Variants in FAM13A observed in about 807,000 individuals in gnomAD.
FAM13A encodes the protein protein FAM13A.
In FAM13A, 76 loss-of-function variants were observed where a neutral mutation model predicts 129.6. The ratio of observed to expected loss-of-function variants is 0.59; its 90% confidence interval spans 0.49 to 0.71. The LOEUF (loss-of-function observed/expected upper bound fraction) is 0.71, where lower values mean the gene tolerates loss of function less well. Among genes scored for constraint, FAM13A ranks in the 30% least tolerant of loss-of-function variants. The probability of loss-of-function intolerance (pLI) is 0.00; values close to 1 mark genes in which losing one functional copy is unlikely to be tolerated. For missense variants in FAM13A, 1,108 were observed against 1,249.3 expected, an observed-to-expected ratio of 0.89 and a Z score of 1.70; for synonymous variants, 443 against 449.9, an observed-to-expected ratio of 0.98 and a Z score of 0.20.
chr4:89,052,908 C>T (rs991003246), intron 1 of FAM13A, among the ~76,000 whole-genome samples: 3 of 152,132 alleles, frequency 2.0e-5, no homozygotes, highest in African/African-American at 7.2e-5. Flanking sequence ...ACTGCTTAAA[C>T]TATAATCTCA....
chr4:88,979,241 T>C (rs1761322997), intron 4 of FAM13A, among the ~76,000 whole-genome samples: 1 of 152,226 alleles, frequency 6.6e-6, no homozygotes, highest in African/African-American at 2.4e-5. Context: ...CATTCACGTA[T>C]TGCTGCTCAC....
Position 88,728,450 on chromosome 4 carries a change from A to T in FAM13A, c.*83T>A. ...TGCATGCTTTGCAGGGCCAGCCCCA[A>T]GGCTGCCTTCCAGAGCTGCACTTTC... On this transcript the variant is annotated 3_prime_UTR_variant, in exon 24 of 24. Coordinates refer to ENST00000264344, the MANE Select transcript of FAM13A (RefSeq NM_014883.4). 1 of 1,572,132 alleles carries T rather than the reference A, an allele frequency of 6.4e-7. No homozygotes were observed. The highest frequency in any genetic ancestry group is 8.7e-7 in the Non-Finnish European group (1 of 1,147,396).
At chr4:88,982,694 G>A (rs532734345) in intron 4 of FAM13A, among the ~76,000 whole-genome samples, 3 of 152,268 alleles carry the variant, frequency 2.0e-5, no homozygotes, top group African/African-American at 7.2e-5. Flanking sequence ...GAATGATAAA[G>A]TATTCAGAGG....
intron 3 of FAM13A, among the ~76,000 whole-genome samples, chr4:89,001,009 A>G (rs1764183596): frequency 6.6e-6 from 1 of 152,280 alleles, no homozygotes; most frequent in South Asian, 2.1e-4. Context: ...TAATTTGCTC[A>G]GTCATGGCTT....
At chr4:89,034,686 A>G (rs765034228) in intron 1 of FAM13A, among the ~76,000 whole-genome samples, 14 of 152,198 alleles carry the variant, frequency 9.2e-5, no homozygotes, top group Non-Finnish European at 2.1e-4. Flanking sequence ...GTTTGAGGCC[A>G]GCCTGGCCAA....
At chr4:88,904,264 TG>T (rs1422360629) in intron 6 of FAM13A, among the ~76,000 whole-genome samples, 1 of 152,216 alleles carries the variant, frequency 6.6e-6, no homozygotes, top group Non-Finnish European at 1.5e-5. Flanking sequence ...ATCCCATTAC[TG>T]GGTATATGTC....
At chr4:88,945,990 G>GTGTATGTATGTATGTGTGTATATATATA in intron 4 of FAM13A, among the ~76,000 whole-genome samples, 1 of 61,966 alleles carries the variant, frequency 1.6e-5, no homozygotes, top group African/African-American at 8.6e-5. Flanking sequence ...GTGTGTGTGT[G>GTGTATGTATGTATGTGTGTATATATATA]TATATATATA....
intron 11 of FAM13A, among the ~76,000 whole-genome samples, chr4:88,775,892 A>T (rs1318862947): frequency 6.6e-6 from 1 of 152,198 alleles, no homozygotes; most frequent in African/African-American, 2.4e-5. Context: ...TCTCACAAAA[A>T]ACTGCTATTT....
chr4:88,817,927 C>A (rs1019596975), intron 7 of FAM13A, among the ~76,000 whole-genome samples: 1 of 152,180 alleles, frequency 6.6e-6, no homozygotes, highest in African/African-American at 2.4e-5. Context: ...CCCTTTACAT[C>A]TGAGTAGTTT....
intron 4 of FAM13A, among the ~76,000 whole-genome samples, chr4:88,985,848 T>TAAAA (rs56061264): frequency 2.8e-5 from 4 of 144,888 alleles, no homozygotes; most frequent in African/African-American, 7.5e-5. Context: ...CAAAAAAGAA[T>TAAAA]AAAAAAAAAA....
intron 3 of FAM13A, among the ~76,000 whole-genome samples, chr4:88,996,046 G>C (rs1763498204): frequency 1.3e-5 from 2 of 152,180 alleles, no homozygotes; most frequent in African/African-American, 4.8e-5. Context: ...AAATAAGGAA[G>C]TGTGTAGTAG....
At chr4:88,799,642 G>C (rs1374420305) in intron 8 of FAM13A, among the ~76,000 whole-genome samples, 2 of 152,146 alleles carry the variant, frequency 1.3e-5, no homozygotes, top group Non-Finnish European at 2.9e-5. Context: ...ACGCCACCAT[G>C]CACGGCTAAT....
At chr4:88,980,644 G>T (rs930744943) in intron 4 of FAM13A, among the ~76,000 whole-genome samples, 1 of 151,996 alleles carries the variant, frequency 6.6e-6, no homozygotes, top group Non-Finnish European at 1.5e-5. Context: ...CAGACAACAG[G>T]TTATAAATAT....
At chr4:88,868,650 T>G (rs1740851062) in intron 6 of FAM13A, among the ~76,000 whole-genome samples, 1 of 152,210 alleles carries the variant, frequency 6.6e-6, no homozygotes, top group South Asian at 2.1e-4. Context: ...TGCCTGCTGT[T>G]TTCCTAGACA....
At chr4:88,750,004 G>T in intron 15 of FAM13A, 95 bp from the exon 16 acceptor site, 1 of 1,338,748 alleles carries the variant, frequency 7.5e-7, no homozygotes, top group Non-Finnish European at 1.0e-6. Context: ...GGCATGCGGT[G>T]GTGGGGTGGG....
chr4:88,778,443 C>T (rs927816192), intron 11 of FAM13A, among the ~76,000 whole-genome samples: 3 of 152,166 alleles, frequency 2.0e-5, no homozygotes, highest in Non-Finnish European at 4.4e-5. Context: ...CACTTTCTTA[C>T]CCCACCTCTT....
intron 7 of FAM13A, among the ~76,000 whole-genome samples, chr4:88,840,535 C>T (rs1421886095): frequency 2.0e-5 from 3 of 151,978 alleles, no homozygotes; most frequent in African/African-American, 4.8e-5. Flanking sequence ...ACTCAGAGTA[C>T]ACATACAAGA....
intron 1 of FAM13A, among the ~76,000 whole-genome samples, chr4:89,046,743 C>T (rs1014177584): frequency 6.6e-5 from 10 of 152,006 alleles, no homozygotes; most frequent in African/African-American, 2.4e-4. Flanking sequence ...CCCAGGTACT[C>T]AGGAGGCTGA....
intron 7 of FAM13A, among the ~76,000 whole-genome samples, chr4:88,810,950 T>C (rs575950690): frequency 6.6e-6 from 1 of 152,292 alleles, no homozygotes; most frequent in African/African-American, 2.4e-5. Context: ...TGACCACTAA[T>C]AGGTCATGAC....
Sources: allele counts gnomAD v4.1 joint callset (sites outside exome capture counted in the v4.1 genomes callset), GRCh38; gene constraint gnomAD v4.1.1; transcripts MANE v1.5; gene names NCBI Gene and HGNC (gene_info 2026-07-23, HGNC 2026-07-21).